The following ECPAS variants were observed in gnomAD, a reference collection of about 807,000 sequenced individuals.
ECPAS encodes the protein proteasome adapter and scaffold protein ECM29.
A neutral mutation model predicts 255.1 loss-of-function variants in ECPAS; 70 were observed. The ratio of observed to expected loss-of-function variants is 0.27; its 90% confidence interval spans 0.23 to 0.33. ECPAS has a LOEUF of 0.33. Ranked by LOEUF, ECPAS falls within the 10% of genes least tolerant of loss-of-function variation. The pLI is 1.00. For missense variants in ECPAS, 1,817 were observed against 2,206.4 expected, an observed-to-expected ratio of 0.82 and a Z score of 3.54; for synonymous variants, 784 against 775.0, an observed-to-expected ratio of 1.01 and a Z score of -0.19.
chr9:111,376,348 C>G (rs1198713504), intron 37 of ECPAS, 128 bp downstream of exon 37: 1 of 666,130 alleles, frequency 1.5e-6, no homozygotes, highest in Non-Finnish European at 2.6e-6. Flanking sequence ...TAAGAAAAAA[C>G]TGGAGTCACA....
intron 2 of ECPAS, among the ~76,000 whole-genome samples, chr9:111,465,843 C>T (rs1263022816): frequency 1.3e-5 from 2 of 151,306 alleles, no homozygotes; most frequent in East Asian, 2.0e-4. Context: ...AGACCAGCCT[C>T]GGCAACACAG....
At chr9:111,430,042 T>A (rs1323031895) in intron 9 of ECPAS, among the ~76,000 whole-genome samples, 1 of 152,266 alleles carries the variant, frequency 6.6e-6, no homozygotes, top group African/African-American at 2.4e-5. Flanking sequence ...AGTCCGAATC[T>A]GGCCCACCAT....
chr9:111,375,730 A>C (rs1318307491), intron 37 of ECPAS, among the ~76,000 whole-genome samples: 1 of 152,116 alleles, frequency 6.6e-6, no homozygotes, highest in East Asian at 1.9e-4. Context: ...CCCCCCAATA[A>C]TCCAACTAAG....
At position 111,425,837 on chromosome 9, in the gene ECPAS, A is replaced by C; in HGVS notation, c.1051-9T>G. ...AGTCCATCATACACCACCTATGTAAAATGAAGAGTTGAGAACATCAATTAA... is the reference window on the plus strand; with the variant it reads ...AGTCCATCATACACCACCTATGTAACATGAAGAGTTGAGAACATCAATTAA... On this transcript the variant is annotated splice_polypyrimidine_tract_variant and intron_variant, in intron 10 of 49. Transcript: ENST00000684092. The C allele has an allele frequency of 6.6e-6, 9 of 1,367,942 alleles. No individual in the cohort carries two copies. The highest frequency in any genetic ancestry group is 9.2e-6 in the Non-Finnish European group (9 of 973,234). 84.7% of individuals were successfully genotyped at this position (1,367,942 alleles called of 1,614,324 possible).
chr9:111,441,001 A>C (rs1347693760), intron 5 of ECPAS, among the ~76,000 whole-genome samples: 1 of 151,540 alleles, frequency 6.6e-6, no homozygotes, highest in Non-Finnish European at 1.5e-5. Flanking sequence ...AAATACAAAA[A>C]ATCAGCCAGG....
intron 23 of ECPAS, among the ~76,000 whole-genome samples, chr9:111,409,561 T>C (rs900944070): frequency 1.4e-5 from 2 of 147,458 alleles, no homozygotes; most frequent in African/African-American, 5.1e-5. Flanking sequence ...CAAAACTCCA[T>C]CTCAAAAAAA....
At chr9:111,368,888 G>A in intron 46 of ECPAS, 147 bp downstream of exon 46, 3 of 708,182 alleles carry the variant, frequency 4.2e-6, no homozygotes, top group Non-Finnish European at 6.4e-6. Context: ...GACTCATGTA[G>A]ACAAAAAACT....
chr9:111,456,252 T>C (rs947637006), intron 2 of ECPAS, among the ~76,000 whole-genome samples: 1 of 152,170 alleles, frequency 6.6e-6, no homozygotes, highest in Non-Finnish European at 1.5e-5. Flanking sequence ...TTTTGAAGCC[T>C]GCATAAAGAA....
intron 46 of ECPAS, among the ~76,000 whole-genome samples, chr9:111,367,516 C>T (rs1332177689): frequency 6.6e-6 from 1 of 152,090 alleles, no homozygotes; most frequent in Non-Finnish European, 1.5e-5. Context: ...CTTTCTCTAC[C>T]TATCAAGGAA....
chr9:111,469,671 T>C (rs1344141227), intron 2 of ECPAS, among the ~76,000 whole-genome samples: 1 of 151,570 alleles, frequency 6.6e-6, no homozygotes, highest in Non-Finnish European at 1.5e-5. Flanking sequence ...TAGCTAGGCA[T>C]GGTGGCGGGC....
chr9:111,422,348 G>T, intron 13 of ECPAS, 148 bp from the exon 14 acceptor site: 1 of 699,898 alleles, frequency 1.4e-6, no homozygotes. Context: ...ATTTTTCCAA[G>T]TATTTAATTC....
intron 8 of ECPAS, among the ~76,000 whole-genome samples, chr9:111,430,993 G>C (rs1465148143): frequency 2.6e-5 from 4 of 152,186 alleles, no homozygotes; most frequent in Non-Finnish European, 4.4e-5. Flanking sequence ...AAAGAGGCCT[G>C]GGGCAGGGTA....
At chr9:111,376,448 C>A (rs1179211434) in intron 37 of ECPAS, 28 bp downstream of exon 37, 18 of 1,537,044 alleles carry the variant, frequency 1.2e-5, no homozygotes, top group Non-Finnish European at 1.6e-5. Flanking sequence ...AGCAAACAAA[C>A]CCTCTCATTA....
rs80121502 is a variant in ECPAS at position 111,441,763 on chromosome 9, G to A, written c.389+543C>T. Among the ~76,000 whole-genome samples the A allele has an allele frequency of 1.6e-3, 250 of 152,206 alleles. 1 individual carries two copies. Among genetic ancestry groups the A allele is most frequent in the African/African-American group, 5.9e-3 (245 of 41,532 alleles). On this transcript the variant is annotated intron_variant, in intron 5 of 49. Coordinates refer to ENST00000684092, the MANE Select transcript of ECPAS (RefSeq NM_001364929.1). ...TTAAAAAATGAATATGCTCTAAAAG[G>A]TGAACTGAAAACATGATCTAACTCC...
chr9:111,425,747 T>C lies in ECPAS; in HGVS notation c.1132A>G (p.Ile378Val), dbSNP rs766294161. 4.6e-5 allele frequency: 71 copies of C among 1,551,820 alleles called. 2 individuals are homozygous for C. The South Asian group carries it at 5.9e-4, about 13-fold the overall frequency. ...TTAAAATAGTTAAAGACTTACGTTA[T>C]ACAAATATGATGCACAAATTGCAGG... ...LSLQFVHHICITCPEIKIKPL... is the reference protein window; with the variant it reads ...LSLQFVHHICVTCPEIKIKPL... The change falls in exon 11 of 50, where the codon ATA becomes GTA. Residue 378 changes from isoleucine to valine, a missense_variant. Transcript: ENST00000684092.
intron 24 of ECPAS, among the ~76,000 whole-genome samples, chr9:111,398,361 G>A (rs984706843): frequency 6.6e-6 from 1 of 152,024 alleles, no homozygotes; most frequent in African/African-American, 2.4e-5. Flanking sequence ...GTTTCCTGTA[G>A]TTAATAACAA....
intron 2 of ECPAS, among the ~76,000 whole-genome samples, chr9:111,465,686 T>C: frequency 6.6e-6 from 1 of 152,052 alleles, no homozygotes; most frequent in African/African-American, 2.4e-5. Context: ...GTAATTTTTC[T>C]TAATACTTTT....
intron 15 of ECPAS, 37 bp downstream of exon 15, chr9:111,421,884 G>T: frequency 6.2e-7 from 1 of 1,600,660 alleles, no homozygotes; most frequent in South Asian, 1.1e-5. Context: ...AATGTAAACC[G>T]TATACTACCC....
At chr9:111,455,320 T>C (rs1450274344) in intron 2 of ECPAS, among the ~76,000 whole-genome samples, 1 of 152,094 alleles carries the variant, frequency 6.6e-6, no homozygotes, top group Admixed American at 6.5e-5. Context: ...CCATCTCTAC[T>C]AAAATTTCAA....
Sources: gnomAD v4.1 joint callset for allele counts (sites outside exome capture counted in the v4.1 genomes callset) on GRCh38, gnomAD v4.1.1 for gene constraint, MANE v1.5 for transcripts, NCBI Gene and HGNC (gene_info 2026-07-23, HGNC 2026-07-21) for gene names.